RIMS2: variants seen among roughly 807,000 people sequenced by gnomAD.
The protein encoded by RIMS2 is regulating synaptic membrane exocytosis protein 2.
In RIMS2, 59 loss-of-function variants were observed where a neutral mutation model predicts 174.4. The observed-to-expected ratio is 0.34, with a 90% CI of 0.27 to 0.42. RIMS2 has a LOEUF of 0.42. Ranked by LOEUF, RIMS2 falls within the 10% of genes least tolerant of loss-of-function variation. The probability of loss-of-function intolerance (pLI) is 1.00; values close to 1 mark genes in which losing one functional copy is unlikely to be tolerated. For synonymous variants in RIMS2, 606 were observed against 572.5 expected, an observed-to-expected ratio of 1.06 and a Z score of -0.84; for missense variants, 1,620 against 1,666.3, an observed-to-expected ratio of 0.97 and a Z score of 0.48.
At chr8:103,974,299 C>T (rs569729913) in intron 15 of RIMS2, among the ~76,000 whole-genome samples, 19 of 152,176 alleles carry the variant, frequency 1.2e-4, no homozygotes, top group Admixed American at 6.5e-4. Context: ...ATTTCTGAAA[C>T]GAATGTTGTA....
intron 19 of RIMS2, among the ~76,000 whole-genome samples, chr8:104,173,036 A>G (rs1382750988): frequency 2.0e-5 from 3 of 152,194 alleles, no homozygotes; most frequent in Non-Finnish European, 2.9e-5. Context: ...ACCAGTGTCC[A>G]TACATTTGCT....
chr8:104,038,273 T>C (rs1486018182), intron 19 of RIMS2, among the ~76,000 whole-genome samples: 1 of 152,016 alleles, frequency 6.6e-6, no homozygotes, highest in East Asian at 1.9e-4. Context: ...TTTTATTTTG[T>C]ATGATGGAAT....
intron 3 of RIMS2, among the ~76,000 whole-genome samples, chr8:103,783,838 G>T (rs967461590): frequency 0.031 from 4,686 of 151,440 alleles, 220 homozygotes; most frequent in African/African-American, 0.11. Context: ...CTGAGGAATC[G>T]CCACACTGAC....
At chr8:103,517,770 G>T (rs1442493255) in intron 1 of RIMS2, among the ~76,000 whole-genome samples, 1 of 152,070 alleles carries the variant, frequency 6.6e-6, no homozygotes, top group African/African-American at 2.4e-5. Context: ...TTTGCAGGGA[G>T]TGTCCTGAGG....
chr8:103,579,785 A>G (rs2093493043), intron 1 of RIMS2, among the ~76,000 whole-genome samples: 1 of 152,344 alleles, frequency 6.6e-6, no homozygotes, highest in East Asian at 1.9e-4. Flanking sequence ...TAATTTATGA[A>G]TAATGACTCA....
At chr8:104,098,649 G>A (rs2097804056) in intron 19 of RIMS2, among the ~76,000 whole-genome samples, 1 of 151,878 alleles carries the variant, frequency 6.6e-6, no homozygotes, top group Admixed American at 6.6e-5. Context: ...AAAATTTGGG[G>A]CATCAGTTCA....
chr8:104,170,507 A>G (rs1268240166), intron 19 of RIMS2, among the ~76,000 whole-genome samples: 2 of 152,050 alleles, frequency 1.3e-5, no homozygotes, highest in Admixed American at 6.6e-5. Flanking sequence ...CATTCTTGTG[A>G]AACATCTTTT....
At chr8:104,023,460 T>C (rs1172917274) in intron 19 of RIMS2, among the ~76,000 whole-genome samples, 1 of 152,082 alleles carries the variant, frequency 6.6e-6, no homozygotes. Flanking sequence ...GAATAGATAT[T>C]GAAGATAGAG....
At chr8:104,063,448 T>G (rs2097043142) in intron 19 of RIMS2, among the ~76,000 whole-genome samples, 1 of 152,180 alleles carries the variant, frequency 6.6e-6, no homozygotes, top group Non-Finnish European at 1.5e-5. Flanking sequence ...GTGCAATTCT[T>G]TAGCTCAATT....
chr8:103,532,483 G>A (rs764109045), intron 1 of RIMS2, among the ~76,000 whole-genome samples: 3 of 152,154 alleles, frequency 2.0e-5, no homozygotes, highest in African/African-American at 7.2e-5. Flanking sequence ...TCCATTCTGT[G>A]GTTTTGTAGA....
intron 1 of RIMS2, among the ~76,000 whole-genome samples, chr8:103,579,223 ACTCT>A (rs34205035): frequency 3.4e-5 from 5 of 149,252 alleles, no homozygotes; most frequent in African/African-American, 1.2e-4. Flanking sequence ...GCATAGCAAT[ACTCT>A]CTCTCTCTCT....
intron 1 of RIMS2, among the ~76,000 whole-genome samples, chr8:103,516,855 C>CATAT (rs2130087521): frequency 6.6e-6 from 1 of 152,286 alleles, no homozygotes; most frequent in South Asian, 2.1e-4. Context: ...TCTACAAAGC[C>CATAT]ATATACACTC....
At chr8:103,882,872 C>G (rs1243298811) in intron 3 of RIMS2, among the ~76,000 whole-genome samples, 3 of 151,574 alleles carry the variant, frequency 2.0e-5, no homozygotes, top group East Asian at 1.9e-4. Context: ...TCACTTTATA[C>G]TCTACTTACT....
chr8:103,501,933 A>C (rs1031017051), intron 1 of RIMS2, among the ~76,000 whole-genome samples: 1 of 152,214 alleles, frequency 6.6e-6, no homozygotes, highest in Non-Finnish European at 1.5e-5. Context: ...AGACAGGGTT[A>C]TCTTTAGCTC....
intron 19 of RIMS2, among the ~76,000 whole-genome samples, chr8:104,093,909 T>C (rs963162921): frequency 2.0e-5 from 3 of 151,992 alleles, no homozygotes; most frequent in African/African-American, 7.2e-5. Flanking sequence ...AATTTAAAAA[T>C]TAAGACCTCT....
intron 1 of RIMS2, among the ~76,000 whole-genome samples, chr8:103,531,124 T>A (rs1836874461): frequency 6.6e-6 from 1 of 151,854 alleles, no homozygotes; most frequent in African/African-American, 2.4e-5. Flanking sequence ...GTAATTAATA[T>A]GCTGGACTTT....
At chr8:104,227,407 G>A (rs2099195224) in intron 19 of RIMS2, among the ~76,000 whole-genome samples, 1 of 151,778 alleles carries the variant, frequency 6.6e-6, no homozygotes, top group Admixed American at 6.6e-5. Flanking sequence ...TAAACTACTT[G>A]GGCTCGACAC....
exon 1 of RIMS2, chr8:103,500,927 T>G (rs768707230): frequency 6.2e-7 from 1 of 1,607,380 alleles, no homozygotes; most frequent in Non-Finnish European, 8.5e-7. Context: ...CTGGCTCCCA[T>G]CCCGGCGGCC....
At chr8:103,917,357 G>A (rs997239475) in intron 8 of RIMS2, among the ~76,000 whole-genome samples, 1 of 152,130 alleles carries the variant, frequency 6.6e-6, no homozygotes, top group African/African-American at 2.4e-5. Context: ...ACGACTTAGG[G>A]TGGTAGCTTA....
Sources: gnomAD v4.1 joint callset for allele counts (sites outside exome capture counted in the v4.1 genomes callset) on GRCh38, gnomAD v4.1.1 for gene constraint, MANE v1.5 for transcripts, NCBI Gene and HGNC (gene_info 2026-07-23, HGNC 2026-07-21) for gene names.